The following SPATA6 variants were observed in gnomAD, a reference collection of about 807,000 sequenced individuals.
SPATA6 encodes the protein spermatogenesis associated 6.
SPATA6 carries 56 observed loss-of-function variants against 65.3 expected under a neutral mutation model. The ratio of observed to expected loss-of-function variants is 0.86; its 90% confidence interval spans 0.69 to 1.07. SPATA6 has a LOEUF of 1.07. SPATA6 is among the 50% of genes least tolerant of loss of function. The pLI is 0.00. For synonymous variants in SPATA6, 199 were observed against 213.2 expected (o/e 0.93, Z 0.58); for missense variants, 590 against 594.8 (o/e 0.99, Z 0.08).
chr1:48,378,166 A>G (rs942924017), intron 9 of SPATA6, among the ~76,000 whole-genome samples: 1 of 152,206 alleles, frequency 6.6e-6, no homozygotes, highest in African/African-American at 2.4e-5. Flanking sequence ...AAATAGCATT[A>G]CCCCAATGAG....
intron 8 of SPATA6, among the ~76,000 whole-genome samples, chr1:48,393,611 T>C (rs1650284450): frequency 6.6e-6 from 1 of 152,182 alleles, no homozygotes. Flanking sequence ...TTAACTGGCG[T>C]TAATCACATA....
intron 3 of SPATA6, among the ~76,000 whole-genome samples, chr1:48,433,414 T>G (rs1250167044): frequency 6.6e-6 from 1 of 152,172 alleles, no homozygotes; most frequent in African/African-American, 2.4e-5. Context: ...CTACATCTAC[T>G]GGAACATACA....
chr1:48,344,909 C>G (rs1338365769), intron 11 of SPATA6, among the ~76,000 whole-genome samples: 2 of 152,018 alleles, frequency 1.3e-5, no homozygotes, highest in African/African-American at 4.8e-5. Context: ...GACTTAGACT[C>G]CCACAAAATA....
At chr1:48,437,269 T>G in intron 3 of SPATA6, 1 of 1,587,938 alleles carries the variant, frequency 6.3e-7, no homozygotes, top group Non-Finnish European at 8.6e-7. Context: ...ACTTTCTCCT[T>G]GCTGCTTTTT....
rs76621283 is a variant in SPATA6 at position 48,399,027 on chromosome 1, C to G, written c.780+324G>C. 1,969 of 205,552 alleles carry G rather than the reference C, an allele frequency of 9.6e-3. 46 individuals carry two copies. Among genetic ancestry groups the G allele is most frequent in the African/African-American group, 0.043 (1,867 of 43,696 alleles). 12.7% of individuals were successfully genotyped at this position (205,552 alleles called of 1,614,324 possible). A position where few individuals can be genotyped will look rare whatever the true frequency, so the allele number is the denominator to read the frequency against. On this transcript the variant is annotated intron_variant, in intron 7 of 12. Transcript: ENST00000371847. ...TTTGGTTCTCTTTTAAAGCCCTACT[C>G]TGCCATTTTAGTACTAATGTCAATT...
chr1:48,363,624 GT>G (rs1210735769), intron 9 of SPATA6, among the ~76,000 whole-genome samples: 4 of 151,792 alleles, frequency 2.6e-5, no homozygotes, highest in Admixed American at 6.6e-5. Flanking sequence ...TATGAAAAGA[GT>G]TTTTTTAATG....
At chr1:48,350,933 G>T (rs1646498937) in intron 11 of SPATA6, among the ~76,000 whole-genome samples, 1 of 151,828 alleles carries the variant, frequency 6.6e-6, no homozygotes, top group African/African-American at 2.4e-5. Context: ...GATTAAGATT[G>T]CATAAAATCT....
intron 3 of SPATA6, among the ~76,000 whole-genome samples, chr1:48,441,558 G>A (rs1655481482): frequency 6.6e-6 from 1 of 152,086 alleles, no homozygotes; most frequent in Non-Finnish European, 1.5e-5. Context: ...CTTGAGGAGG[G>A]AATCAACCCT....
intron 1 of SPATA6, among the ~76,000 whole-genome samples, chr1:48,466,656 G>T (rs1657829431): frequency 6.7e-6 from 1 of 148,938 alleles, no homozygotes; most frequent in Non-Finnish European, 1.5e-5. Context: ...AAAGGATTCA[G>T]TTTTTTTTTT....
chr1:48,405,068 A>G (rs1259004945), intron 5 of SPATA6, among the ~76,000 whole-genome samples: 1 of 152,214 alleles, frequency 6.6e-6, no homozygotes, highest in African/African-American at 2.4e-5. Flanking sequence ...TGACCAGCTA[A>G]GTTTAAAAAC....
At position 48,459,049 on chromosome 1, in the gene SPATA6, G is replaced by GA. The variant is rs369037472; in HGVS notation, c.52-5919dup. On this transcript the variant is annotated intron_variant, in intron 1 of 12. Transcript: ENST00000371847. ...TGAAAACCCATCTCTACTAAAAATA[G>GA]AAAAAATTAACTGGGCGTGGTGGCA... Among the ~76,000 whole-genome samples, 66 of 151,474 alleles carry GA rather than the reference G, an allele frequency of 4.4e-4. 1 individual carries two copies. The highest frequency in any genetic ancestry group is 1.5e-3 in the African/African-American group (64 of 41,304).
At chr1:48,276,312 A>T in the SPATA6 span, among the ~76,000 whole-genome samples, 2 of 151,780 alleles carry the variant, frequency 1.3e-5, no homozygotes, top group Non-Finnish European at 2.9e-5. Flanking sequence ...CATTTTTTTG[A>T]AGGGTTTTTC....
At chr1:48,406,150 G>T (rs753388628) in intron 5 of SPATA6, among the ~76,000 whole-genome samples, 1 of 152,000 alleles carries the variant, frequency 6.6e-6, no homozygotes, top group African/African-American at 2.4e-5. Context: ...CTGTTTGAGC[G>T]TGGGAGGTCA....
At chr1:48,378,991 G>T (rs1005318180) in intron 9 of SPATA6, among the ~76,000 whole-genome samples, 1 of 152,112 alleles carries the variant, frequency 6.6e-6, no homozygotes, top group Non-Finnish European at 1.5e-5. Flanking sequence ...AAATAAGATA[G>T]GCACAGAAAG....
At chr1:48,375,260 A>ATTATCTGATCATAT (rs142710374) in intron 9 of SPATA6, among the ~76,000 whole-genome samples, 3,751 of 152,202 alleles carry the variant, frequency 0.025, 99 homozygotes, top group African/African-American at 0.067. Context: ...TAATCTATTA[A>ATTATCTGATCATAT]TTGCAAATTT....
At chr1:48,366,517 C>T (rs767245553) in intron 9 of SPATA6, among the ~76,000 whole-genome samples, 1 of 152,128 alleles carries the variant, frequency 6.6e-6, no homozygotes, top group South Asian at 2.1e-4. Flanking sequence ...TCCTGGTTTA[C>T]TCTTGGGAGG....
chr1:48,441,947 T>C (rs1388542539), intron 3 of SPATA6, among the ~76,000 whole-genome samples: 1 of 152,152 alleles, frequency 6.6e-6, no homozygotes, highest in African/African-American at 2.4e-5. Flanking sequence ...GACTGGTGTT[T>C]CAAATATGCA....
At chr1:48,314,364 A>C (rs1002126845) in intron 11 of SPATA6, among the ~76,000 whole-genome samples, 32 of 152,274 alleles carry the variant, frequency 2.1e-4, no homozygotes, top group African/African-American at 7.5e-4. Context: ...GTGCAATCAA[A>C]CTAGAACTCA....
intron 3 of SPATA6, among the ~76,000 whole-genome samples, chr1:48,422,615 T>C (rs992766142): frequency 6.6e-6 from 1 of 152,172 alleles, no homozygotes. Context: ...ATTGATATCA[T>C]CAAGGATTGC....
Sources: gnomAD v4.1 joint callset for allele counts (sites outside exome capture counted in the v4.1 genomes callset) on GRCh38, gnomAD v4.1.1 for gene constraint, MANE v1.5 for transcripts, NCBI Gene and HGNC (gene_info 2026-07-23, HGNC 2026-07-21) for gene names.